The following HNF4G variants were observed in gnomAD, a reference collection of about 807,000 sequenced individuals.
HNF4G encodes the protein hepatocyte nuclear factor 4 gamma.
A neutral mutation model predicts 50.9 loss-of-function variants in HNF4G; 21 were observed. The observed-to-expected ratio is 0.41, with a 90% confidence interval of 0.29 to 0.59. The LOEUF (loss-of-function observed/expected upper bound fraction) is 0.59. HNF4G is among the 20% of genes least tolerant of loss of function. The pLI, the probability that HNF4G is intolerant of heterozygous loss-of-function variation, is 0.26. For missense variants in HNF4G, 527 were observed against 559.4 expected, an observed-to-expected ratio of 0.94 and a Z score of 0.58; for synonymous variants, 198 against 185.6, an observed-to-expected ratio of 1.07 and a Z score of -0.54.
intron 1 of HNF4G, among the ~76,000 whole-genome samples, chr8:75,420,048 T>C (rs923143075): frequency 6.6e-6 from 1 of 152,108 alleles, no homozygotes; most frequent in African/African-American, 2.4e-5. Flanking sequence ...TTTCCTCTTA[T>C]GATATCAGAA....
At chr8:75,467,107 A>T (rs13256328) in intron 1 of HNF4G, among the ~76,000 whole-genome samples, 7,644 of 152,170 alleles carry the variant, frequency 0.05, 265 homozygotes, top group Non-Finnish European at 0.072. Context: ...ATCTTCCTAT[A>T]CATTCTCATT....
intron 1 of HNF4G, among the ~76,000 whole-genome samples, chr8:75,473,726 C>T (rs1303395502): frequency 1.3e-5 from 2 of 152,132 alleles, no homozygotes; most frequent in Admixed American, 1.3e-4. Context: ...GAGTGATTCA[C>T]TCGGATTGGA....
chr8:75,416,665 T>G (rs537333278), intron 1 of HNF4G, among the ~76,000 whole-genome samples: 1 of 152,330 alleles, frequency 6.6e-6, no homozygotes, highest in East Asian at 1.9e-4. Context: ...CAAAATCACT[T>G]TAAGAAAACT....
At chr8:75,491,813 T>G (rs1329271489) in intron 2 of HNF4G, among the ~76,000 whole-genome samples, 1 of 152,152 alleles carries the variant, frequency 6.6e-6, no homozygotes, top group Non-Finnish European at 1.5e-5. Context: ...GAAATGCAAG[T>G]CGCTTAGAGG....
At chr8:75,408,940 C>T (rs11781443) in intron 1 of HNF4G, among the ~76,000 whole-genome samples, 9,190 of 152,240 alleles carry the variant, frequency 0.06, 341 homozygotes, top group Non-Finnish European at 0.079. Context: ...TACAGGTTTC[C>T]CTTCTCTCTT....
At chr8:75,419,306 G>T (rs1810722736) in intron 1 of HNF4G, among the ~76,000 whole-genome samples, 1 of 152,168 alleles carries the variant, frequency 6.6e-6, no homozygotes, top group African/African-American at 2.4e-5. Flanking sequence ...CTCGGTTCAG[G>T]TCCTCATACA....
chr8:75,495,882 G>A (rs1322595307), intron 2 of HNF4G, among the ~76,000 whole-genome samples: 1 of 151,848 alleles, frequency 6.6e-6, no homozygotes, highest in African/African-American at 2.4e-5. Flanking sequence ...GTACAATATA[G>A]CCCTTACCTT....
At chr8:75,461,320 A>G (rs1013858821) in intron 1 of HNF4G, among the ~76,000 whole-genome samples, 1 of 151,946 alleles carries the variant, frequency 6.6e-6, no homozygotes, top group African/African-American at 2.4e-5. Flanking sequence ...TTTTGGCTCC[A>G]TTCCTTGGCC....
intron 1 of HNF4G, among the ~76,000 whole-genome samples, chr8:75,471,112 T>C (rs1812102709): frequency 6.6e-6 from 1 of 152,178 alleles, no homozygotes. Context: ...TAAAAAATGC[T>C]TTAAGAGTTC....
intron 1 of HNF4G, among the ~76,000 whole-genome samples, chr8:75,458,531 A>C (rs1338887656): frequency 6.6e-6 from 1 of 152,128 alleles, no homozygotes; most frequent in East Asian, 1.9e-4. Flanking sequence ...CAACAATAAC[A>C]AATAAACAAA....
intron 2 of HNF4G, among the ~76,000 whole-genome samples, chr8:75,526,154 G>T (rs942504701): frequency 6.9e-6 from 1 of 143,962 alleles, no homozygotes; most frequent in Admixed American, 7.0e-5. Flanking sequence ...TTAGAGATAG[G>T]GCCTCACTCT....
In HNF4G at chr8:75,452,962, G is replaced by A. The variant is rs545130962; in HGVS notation, c.-143-37127G>A. Among the ~76,000 whole-genome samples the A allele has an allele frequency of 1.1e-3, 173 of 152,244 alleles. 1 individual carries two copies. The highest frequency in any genetic ancestry group is 4.0e-3 in the African/African-American group (165 of 41,558). On this transcript the variant is annotated intron_variant, in intron 1 of 10. Transcript: ENST00000354370. ...GCCTGGTCTATATTAGGTAGATTTA[G>A]AATAAATTAATGAGGAAATGAATGA...
chr8:75,445,077 A>G (rs1096391), intron 1 of HNF4G, among the ~76,000 whole-genome samples: 91,517 of 128,132 alleles, frequency 0.71, 32,308 homozygotes, highest in African/African-American at 0.85. Flanking sequence ...ATAACAAACT[A>G]TCTCTCAGAC....
intron 2 of HNF4G, among the ~76,000 whole-genome samples, chr8:75,504,957 A>G (rs1298317698): frequency 1.3e-5 from 2 of 152,148 alleles, no homozygotes; most frequent in Non-Finnish European, 2.9e-5. Context: ...AGGAAAGATG[A>G]GTGAATATTT....
chr8:75,454,910 G>A (rs1450641270), intron 1 of HNF4G, among the ~76,000 whole-genome samples: 1 of 151,956 alleles, frequency 6.6e-6, no homozygotes, highest in Non-Finnish European at 1.5e-5. Flanking sequence ...TTGAATAAAA[G>A]GAGTTTTATA....
rs1247851518 is a variant in HNF4G, at chr8:75,565,801, A to C, written c.*1705A>C. The C allele has an allele frequency of 6.6e-6, 1 of 152,162 alleles. No individual in the cohort carries two copies. The highest frequency in any genetic ancestry group is 2.4e-5 in the African/African-American group (1 of 41,446). 9.4% of individuals were successfully genotyped at this position (152,162 alleles called of 1,614,324 possible). ...AATATCAAGTAACTTATTAGCTCTT[A>C]AAGTAAAATTGAACTTATTAAAAGC... On this transcript the variant is annotated 3_prime_UTR_variant, in exon 10 of 10. Transcript: ENST00000396423.
chr8:75,422,370 A>G (rs1810794448), intron 1 of HNF4G, among the ~76,000 whole-genome samples: 2 of 152,212 alleles, frequency 1.3e-5, no homozygotes, highest in Non-Finnish European at 2.9e-5. Flanking sequence ...CATTGTTTAT[A>G]TGATCAGGGC....
intron 1 of HNF4G, among the ~76,000 whole-genome samples, chr8:75,487,125 A>C (rs1389906331): frequency 5.3e-5 from 8 of 152,222 alleles, no homozygotes; most frequent in Non-Finnish European, 5.9e-5. Flanking sequence ...AAATGCTTTA[A>C]AACTCATTTT....
In HNF4G at chr8:75,553,209, A is replaced by C; in HGVS notation, c.645+12A>C. The C allele has an allele frequency of 6.3e-7, 1 of 1,598,944 alleles. No homozygotes were observed. The highest frequency in any genetic ancestry group is 2.2e-5 in the East Asian group (1 of 44,698). On this transcript the variant is annotated intron_variant, in intron 5 of 9. Transcript: ENST00000396423. The stretch of plus-strand genomic sequence containing the variant: ...CATTGGATGATCAGGTACACATTTA[A>C]AACTTTATAAATGCTTTAAAAATGC...
Sources: gnomAD v4.1 joint callset for allele counts (sites outside exome capture counted in the v4.1 genomes callset) on GRCh38, gnomAD v4.1.1 for gene constraint, MANE v1.5 for transcripts, NCBI Gene and HGNC (gene_info 2026-07-23, HGNC 2026-07-21) for gene names.